Variants in CELF2 observed in about 807,000 individuals in gnomAD.
CELF2 encodes CUG triplet repeat RNA-binding protein 2.
Under a neutral mutation model 62.6 loss-of-function variants are expected in CELF2, and 8 were observed. That is an observed-to-expected ratio of 0.13 (90% CI 0.07 to 0.23). CELF2 has a LOEUF of 0.23. CELF2 is among the 10% of genes least tolerant of loss of function. The pLI is 1.00. For synonymous variants in CELF2, 258 were observed against 250.0 expected (o/e 1.03, Z -0.30); for missense variants, 333 against 671.0 (o/e 0.50, Z 5.56).
At chr10:10,588,677 T>C in the CELF2 span, among the ~76,000 whole-genome samples, 1 of 152,156 alleles carries the variant, frequency 6.6e-6, no homozygotes, top group African/African-American at 2.4e-5. Context: ...ATTAAAGAAG[T>C]ATATGAGATT....
the CELF2 span, among the ~76,000 whole-genome samples, chr10:10,689,257 C>T: frequency 3.1e-3 from 476 of 152,178 alleles, 4 homozygotes; most frequent in African/African-American, 0.011. Flanking sequence ...AAGCAAGGAC[C>T]TTCTTCACAT....
At chr10:10,532,313 G>A in the CELF2 span, among the ~76,000 whole-genome samples, 2 of 152,340 alleles carry the variant, frequency 1.3e-5, no homozygotes, top group Non-Finnish European at 2.9e-5. Flanking sequence ...AAACATATCA[G>A]CAGAGATTCA....
At position 11,178,078 on chromosome 10, in the gene CELF2, G is replaced by A. The variant is rs529705000; in HGVS notation, c.271+12396G>A. ...CAGATCCCTACACATGAAACGCTGC[G>A]GCCACAGCTGCAGCCATGCTACCTG... On this transcript the variant is annotated intron_variant, in intron 2 of 12. Coordinates refer to ENST00000633077, the MANE Select transcript of CELF2 (RefSeq NM_001326342.2). This position sits in a 1 kb window ranked among gnomAD's most constrained non-coding sequence, Gnocchi z 4.3. 1.6e-4 allele frequency among the ~76,000 whole-genome samples: 25 copies of A among 152,340 alleles called. No individual in the cohort carries two copies. Among genetic ancestry groups the A allele is most frequent in the African/African-American group, 5.3e-4 (22 of 41,572 alleles).
chr10:11,282,507 C>T (rs1484315518), intron 8 of CELF2, among the ~76,000 whole-genome samples: 2 of 152,194 alleles, frequency 1.3e-5, no homozygotes, highest in African/African-American at 4.8e-5. Flanking sequence ...GAGGAGCTTG[C>T]CTGGCACGCG....
the CELF2 span, among the ~76,000 whole-genome samples, chr10:10,602,670 G>C: frequency 6.6e-6 from 1 of 152,132 alleles, no homozygotes; most frequent in South Asian, 2.1e-4. Flanking sequence ...TCCAAAGCTA[G>C]AGGGAGATAT....
At chr10:10,766,769 C>T in the CELF2 span, among the ~76,000 whole-genome samples, 12 of 152,312 alleles carry the variant, frequency 7.9e-5, no homozygotes, top group East Asian at 2.1e-3. Flanking sequence ...AGACCCCTGC[C>T]CCTGTGGGGT....
chr10:10,600,426 G>A, the CELF2 span, among the ~76,000 whole-genome samples: 1 of 152,188 alleles, frequency 6.6e-6, no homozygotes, highest in Non-Finnish European at 1.5e-5. Context: ...GGACTAAAAT[G>A]ATTTTCACTT....
chr10:11,201,963 C>T (rs199590825), intron 2 of CELF2, among the ~76,000 whole-genome samples: 1 of 139,952 alleles, frequency 7.1e-6, no homozygotes, highest in Non-Finnish European at 1.6e-5. Context: ...GGTGGTGAAA[C>T]GTAACTCCTG....
At chr10:11,173,147 A>G (rs1333264821) in intron 2 of CELF2, among the ~76,000 whole-genome samples, 1 of 152,144 alleles carries the variant, frequency 6.6e-6, no homozygotes, top group Non-Finnish European at 1.5e-5. Flanking sequence ...CCCACTAGAG[A>G]TGTCTTACCA....
chr10:10,562,802 A>T, the CELF2 span, among the ~76,000 whole-genome samples: 2 of 139,092 alleles, frequency 1.4e-5, no homozygotes, highest in Non-Finnish European at 3.0e-5. Context: ...CCTGCCCTCC[A>T]CAGCCTACCT....
In CELF2 at chr10:11,267,162, A is replaced by G. The variant is rs2082381881; in HGVS notation, c.618+485A>G. Among the ~76,000 whole-genome samples the G allele has an allele frequency of 2.0e-5, 3 of 152,250 alleles. No homozygotes were observed. In the South Asian group the frequency reaches 6.2e-4, roughly 32 times the overall value. On this transcript the variant is annotated intron_variant, in intron 6 of 12. Transcript: ENST00000633077. This position sits in a 1 kb window ranked among gnomAD's most constrained non-coding sequence, Gnocchi z 4.4. ...AACAGCATTGTGTTTTTACATCAAG[A>G]ATGTTGGAGAAAGTTAATATTTCTC...
At chr10:10,975,578 G>C (rs1403911585) in intron 2 of CELF2, among the ~76,000 whole-genome samples, 1 of 152,182 alleles carries the variant, frequency 6.6e-6, no homozygotes, top group African/African-American at 2.4e-5. Flanking sequence ...CTAATTCATG[G>C]AGATCTTAGT....
the CELF2 span, among the ~76,000 whole-genome samples, chr10:10,503,532 C>T: frequency 6.6e-6 from 1 of 151,868 alleles, no homozygotes; most frequent in African/African-American, 2.4e-5. Flanking sequence ...TATAGCCACT[C>T]CTACTTTCGC....
At chr10:10,969,648 A>G (rs764855778) in intron 2 of CELF2, among the ~76,000 whole-genome samples, 6 of 151,882 alleles carry the variant, frequency 4.0e-5, no homozygotes, top group Non-Finnish European at 7.4e-5. Context: ...CAGGCACTAC[A>G]CATAAAGGAA....
At chr10:10,649,189 A>T in the CELF2 span, among the ~76,000 whole-genome samples, 1 of 152,222 alleles carries the variant, frequency 6.6e-6, no homozygotes, top group African/African-American at 2.4e-5. Flanking sequence ...TACTCTTCAT[A>T]GCCAAAAATG....
At chr10:10,682,443 T>C in the CELF2 span, among the ~76,000 whole-genome samples, 2 of 152,308 alleles carry the variant, frequency 1.3e-5, no homozygotes, top group Non-Finnish European at 1.5e-5. Context: ...ACTTCTATTT[T>C]CTTCATATTT....
intron 1 of CELF2, among the ~76,000 whole-genome samples, chr10:11,058,461 G>GTTTTTTTTTTTTTT (rs67113152): frequency 3.6e-4 from 42 of 116,792 alleles, no homozygotes; most frequent in South Asian, 9.1e-4. Flanking sequence ...TTTTTTGTTG[G>GTTTTTTTTTTTTTT]TTTTTTTTTT....
At chr10:11,304,224 G>C (rs78859363) in intron 9 of CELF2, among the ~76,000 whole-genome samples, 29 of 152,198 alleles carry the variant, frequency 1.9e-4, no homozygotes, top group Middle Eastern at 3.4e-3. Flanking sequence ...CAGGCCACCA[G>C]CTTTACTTGG....
the CELF2 span, among the ~76,000 whole-genome samples, chr10:10,717,471 T>G: frequency 0.029 from 4,446 of 152,294 alleles, 178 homozygotes; most frequent in Admixed American, 0.089. Context: ...ATTACTTTTA[T>G]TCATGAAAGA....
Sources: allele counts gnomAD v4.1 joint callset (sites outside exome capture counted in the v4.1 genomes callset), GRCh38; gene constraint gnomAD v4.1.1; non-coding constraint Gnocchi (gnomAD v3.1); transcripts MANE v1.5; gene names NCBI Gene and HGNC (gene_info 2026-07-23, HGNC 2026-07-21).